CDH26: variants seen among roughly 807,000 people sequenced by gnomAD.
CDH26 encodes cadherin 26, also known as cadherin-like protein 26.
In CDH26, 83 loss-of-function variants were observed where a neutral mutation model predicts 90.3. That is an observed-to-expected ratio of 0.92 (90% CI 0.77 to 1.10). The LOEUF is 1.10. Ranked by LOEUF, CDH26 falls within the 50% of genes least tolerant of loss-of-function variation. The pLI, the probability that CDH26 is intolerant of heterozygous loss-of-function variation, is 0.00. For missense variants in CDH26, 1,013 were observed against 1,037.6 expected (o/e 0.98, Z 0.33); for synonymous variants, 397 against 396.3 (o/e 1.00, Z -0.02).
chr20:60,031,840 A>G (rs960945935), intron 8 of CDH26, among the ~76,000 whole-genome samples: 2 of 152,160 alleles, frequency 1.3e-5, no homozygotes, highest in Non-Finnish European at 2.9e-5. Flanking sequence ...CCCACTTTGG[A>G]AGCCTATGGA....
At chr20:59,980,689 A>C (rs2061385229) in intron 4 of CDH26, among the ~76,000 whole-genome samples, 1 of 152,092 alleles carries the variant, frequency 6.6e-6, no homozygotes, top group Non-Finnish European at 1.5e-5. Flanking sequence ...TTGTCTTTTC[A>C]TTTTTGTCTT....
At chr20:60,001,835 T>C (rs2061680875) in intron 15 of CDH26, among the ~76,000 whole-genome samples, 1 of 152,228 alleles carries the variant, frequency 6.6e-6, no homozygotes, top group Non-Finnish European at 1.5e-5. Context: ...GTACTCTACA[T>C]ACAAATTCCA....
chr20:60,001,866 G>A (rs1458567800), intron 15 of CDH26, among the ~76,000 whole-genome samples: 1 of 152,146 alleles, frequency 6.6e-6, no homozygotes, highest in African/African-American at 2.4e-5. Flanking sequence ...TTTGTGAAAT[G>A]ACTTTTTCTG....
intron 17 of CDH26, among the ~76,000 whole-genome samples, chr20:60,011,634 G>T (rs1403128628): frequency 6.6e-6 from 1 of 152,154 alleles, no homozygotes; most frequent in Non-Finnish European, 1.5e-5. Flanking sequence ...CAAATAAACG[G>T]TCTTGGCCGT....
chr20:60,023,220 C>T (rs6092858), intron 7 of CDH26, among the ~76,000 whole-genome samples: 9 of 152,264 alleles, frequency 5.9e-5, no homozygotes, highest in African/African-American at 2.2e-4. Context: ...TACTCCACTC[C>T]TGAACCACCT....
At chr20:59,970,498 T>TA (rs1569027022) in intron 3 of CDH26, among the ~76,000 whole-genome samples, 4 of 151,852 alleles carry the variant, frequency 2.6e-5, no homozygotes, top group African/African-American at 9.7e-5. Flanking sequence ...TTTTTTTTTT[T>TA]TAAATATTAT....
chr20:59,974,545 G>A (rs898504024), intron 4 of CDH26, among the ~76,000 whole-genome samples: 2 of 152,186 alleles, frequency 1.3e-5, no homozygotes, highest in African/African-American at 4.8e-5. Flanking sequence ...AGAGCAAAGA[G>A]TGACAGTGTG....
Position 59,958,424 on chromosome 20 carries a change from G to T in CDH26, c.-303G>T. On this transcript the variant is annotated 5_prime_UTR_variant, in exon 1 of 18. Transcript: ENST00000348616. The stretch of plus-strand genomic sequence containing the variant: ...CTGTTGTTCCTGAGGTCAGACCCCA[G>T]CCAGTCTTTTGTGTACGTGCAGGAC... 1 of 292,910 alleles carries T rather than the reference G, an allele frequency of 3.4e-6. No homozygotes were observed. The allele number at this position is 292,910 out of a possible 1,614,324, so 18.1% of individuals were successfully genotyped here. A position where few individuals can be genotyped will look rare whatever the true frequency, so the allele number is the denominator to read the frequency against.
At chr20:60,010,215 G>A (rs2061813748) in intron 17 of CDH26, among the ~76,000 whole-genome samples, 1 of 152,114 alleles carries the variant, frequency 6.6e-6, no homozygotes, top group African/African-American at 2.4e-5. Flanking sequence ...TTAAGAGCTT[G>A]GAAGCCCAGG....
chr20:60,003,028 G>A (rs191734661), intron 16 of CDH26, among the ~76,000 whole-genome samples, 162 bp downstream of exon 16: 29 of 152,308 alleles, frequency 1.9e-4, no homozygotes, highest in Non-Finnish European at 1.3e-4. Flanking sequence ...GTGAAGAGAG[G>A]TTGGAAGTAG....
In CDH26 at chr20:59,996,720, C is replaced by G. The variant is rs1175898786; in HGVS notation, c.1978C>G (p.Leu660Val). Residue 660 changes from leucine to valine, a missense_variant, in exon 13 of 18, where the codon CTG becomes GTG. Physicochemically the swap from Leu to Val is conservative, Grantham distance 32. Coordinates refer to ENST00000348616, the MANE Select transcript of CDH26 (RefSeq NM_177980.4). The part of the protein sequence containing the change: ...SVSNDEGHQT[L>V]VMYNAESKGT... ...ATCCAATGATGAAGGCCACCAAACA[C>G]TGGTCATGTATAATGCGGAGAGCAA... 2 of 1,614,230 alleles carry G rather than the reference C, an allele frequency of 1.2e-6. No individual in the cohort carries two copies. Among genetic ancestry groups the G allele is most frequent in the Non-Finnish European group, 1.7e-6 (2 of 1,180,036 alleles).
At chr20:59,983,574 C>T (rs1257738736) in intron 5 of CDH26, among the ~76,000 whole-genome samples, 7 of 152,070 alleles carry the variant, frequency 4.6e-5, no homozygotes, top group African/African-American at 1.7e-4. Context: ...TTAATGTTAC[C>T]CATGAGAGAT....
At chr20:59,973,763 A>C (rs1018172359) in intron 4 of CDH26, among the ~76,000 whole-genome samples, 1 of 152,228 alleles carries the variant, frequency 6.6e-6, no homozygotes, top group African/African-American at 2.4e-5. Context: ...CATGGTGTAC[A>C]TGTACCATAT....
chr20:60,004,794 A>G (rs1456033753), intron 16 of CDH26, among the ~76,000 whole-genome samples: 5 of 151,704 alleles, frequency 3.3e-5, no homozygotes, highest in African/African-American at 1.2e-4. Flanking sequence ...AAGAAAAGAA[A>G]AAAACACCTA....
Position 60,027,126 on chromosome 20 carries a change from A to G in CDH26, c.948-4105A>G, listed in dbSNP as rs569858065. Among the ~76,000 whole-genome samples, 8 of 152,176 alleles carry G rather than the reference A, an allele frequency of 5.3e-5. No individual in the cohort carries two copies. In the East Asian group the frequency reaches 1.4e-3, roughly 26 times the overall value. On this transcript the variant is annotated intron_variant, in intron 7 of 8. Coordinates refer to the CDH26 transcript ENST00000370991. ...CACTTAGCTCTCTGGGGACAGGGTTATGGTCTTGGGCAGAGGAGAAGTAGT... is the reference window on the plus strand; with the variant it reads ...CACTTAGCTCTCTGGGGACAGGGTTGTGGTCTTGGGCAGAGGAGAAGTAGT...
chr20:60,004,524 T>C (rs531524408), intron 16 of CDH26, among the ~76,000 whole-genome samples: 1 of 152,184 alleles, frequency 6.6e-6, no homozygotes, highest in East Asian at 1.9e-4. Context: ...CCCAGCACTT[T>C]GGGAGGCCGA....
At position 59,984,823 on chromosome 20, in the gene CDH26, A is replaced by T. The variant is rs749375933; in HGVS notation, c.708+18A>T. 9 of 1,591,078 alleles carry T rather than the reference A, an allele frequency of 5.7e-6. No individual in the cohort carries two copies. The African/African-American group carries it at 6.8e-5, about 12-fold the overall frequency. Reference sequence around the variant, plus strand: ...ATTATGAGGTTATGTGGATTTTATTATTTTTTTTAAATGAAATGTGTGGCC... The same window carrying T: ...ATTATGAGGTTATGTGGATTTTATTTTTTTTTTTAAATGAAATGTGTGGCC... On this transcript the variant is annotated intron_variant, in intron 6 of 17. Transcript: ENST00000348616.
chr20:60,007,917 T>A (rs916321083), intron 17 of CDH26, among the ~76,000 whole-genome samples: 1 of 152,144 alleles, frequency 6.6e-6, no homozygotes, highest in African/African-American at 2.4e-5. Flanking sequence ...TTTGGGTACA[T>A]CCTGAAAGGT....
intron 17 of CDH26, among the ~76,000 whole-genome samples, chr20:60,010,327 T>C (rs1434332053): frequency 2.0e-5 from 3 of 152,178 alleles, no homozygotes. Context: ...CCCAGGATTC[T>C]GACTGTTTTC....
Sources: gnomAD v4.1 joint callset for allele counts (sites outside exome capture counted in the v4.1 genomes callset) on GRCh38, gnomAD v4.1.1 for gene constraint, MANE v1.5 for transcripts, NCBI Gene and HGNC (gene_info 2026-07-23, HGNC 2026-07-21) for gene names.